Variants in PTPRD observed in about 807,000 individuals in gnomAD.
PTPRD encodes receptor-type tyrosine-protein phosphatase delta.
Under a neutral mutation model 214.5 loss-of-function variants are expected in PTPRD, and 34 were observed. The ratio of observed to expected loss-of-function variants is 0.16; its 90% CI spans 0.12 to 0.21. PTPRD has a LOEUF of 0.21. PTPRD is among the 10% of genes least tolerant of loss of function. PTPRD has a pLI of 1.00. For missense variants in PTPRD, 2,545 were observed against 2,398.7 expected, an observed-to-expected ratio of 1.06 and a Z score of -1.27; for synonymous variants, 1,128 against 845.7, an observed-to-expected ratio of 1.33 and a Z score of -5.79.
At chr9:10,432,436 TA>T (rs377048656) in intron 2 of PTPRD, among the ~76,000 whole-genome samples, 3,882 of 147,432 alleles carry the variant, frequency 0.026, 116 homozygotes, top group African/African-American at 0.072. Context: ...TAAAGTATAA[TA>T]AAAAAAAAAG....
chr9:9,410,959 G>C (rs549908974), intron 8 of PTPRD, among the ~76,000 whole-genome samples: 23 of 152,198 alleles, frequency 1.5e-4, no homozygotes, highest in Admixed American at 7.2e-4. Context: ...ATAAGTGTGG[G>C]CGCGTGCCTG....
chr9:9,263,944 C>A (rs1937653333), intron 9 of PTPRD, among the ~76,000 whole-genome samples: 1 of 151,380 alleles, frequency 6.6e-6, no homozygotes, highest in African/African-American at 2.4e-5. Flanking sequence ...GAATAGTTTC[C>A]CAAGAAGAGC....
intron 4 of PTPRD, among the ~76,000 whole-genome samples, chr9:10,008,845 G>A (rs1460139194): frequency 7.2e-5 from 11 of 151,824 alleles, no homozygotes; most frequent in Non-Finnish European, 2.9e-5. Context: ...CCAAAATAAA[G>A]AACCACACTT....
intron 7 of PTPRD, among the ~76,000 whole-genome samples, chr9:9,694,803 A>G (rs2097340537): frequency 6.6e-6 from 1 of 151,846 alleles, no homozygotes; most frequent in Non-Finnish European, 1.5e-5. Context: ...AAGACAAAGC[A>G]CTCTTCTATT....
chr9:9,495,548 C>A (rs990199699), intron 8 of PTPRD, among the ~76,000 whole-genome samples: 2 of 147,662 alleles, frequency 1.4e-5, no homozygotes, highest in African/African-American at 5.4e-5. Context: ...GACAGCTGGA[C>A]CTCAGGGAGA....
chr9:9,918,547 A>G (rs945247746), intron 5 of PTPRD, among the ~76,000 whole-genome samples: 4 of 152,090 alleles, frequency 2.6e-5, no homozygotes, highest in African/African-American at 9.7e-5. Context: ...TAAATAGAAA[A>G]AAAATCATAA....
intron 3 of PTPRD, among the ~76,000 whole-genome samples, chr9:10,284,882 G>A (rs931340056): frequency 1.8e-4 from 27 of 152,104 alleles, no homozygotes; most frequent in African/African-American, 6.5e-4. Flanking sequence ...GGAATGTAAG[G>A]AATTGAGATT....
At position 9,689,122 on chromosome 9, in the gene PTPRD, TTTC is replaced by T. The variant is rs576621413; in HGVS notation, c.-287+45408_-287+45410del. Among the ~76,000 whole-genome samples the T allele has an allele frequency of 3.3e-3, 503 of 152,034 alleles. 1 individual carries two copies. The highest frequency in any genetic ancestry group is 0.011 in the African/African-American group (471 of 41,528). ...GTGTTTTTATCCTTTTCTGTTTGAGTTTCTTATCAATTGTATAACGATAAAAAT... is the reference window on the plus strand; with the variant it reads ...GTGTTTTTATCCTTTTCTGTTTGAGTTTATCAATTGTATAACGATAAAAAT... On this transcript the variant is annotated intron_variant, in intron 7 of 45. Coordinates refer to ENST00000381196, the MANE Select transcript of PTPRD (RefSeq NM_002839.4).
intron 3 of PTPRD, among the ~76,000 whole-genome samples, chr9:10,261,137 T>A (rs190321334): frequency 1.9e-4 from 29 of 150,064 alleles, no homozygotes; most frequent in African/African-American, 6.8e-4. Flanking sequence ...CAAGCCTTTG[T>A]TATTTAAATG....
At chr9:9,341,620 T>G (rs2046840184) in intron 9 of PTPRD, among the ~76,000 whole-genome samples, 1 of 152,062 alleles carries the variant, frequency 6.6e-6, no homozygotes, top group Non-Finnish European at 1.5e-5. Context: ...GTTTAGATCT[T>G]GGATAATAGT....
chr9:10,166,051 G>A (rs2099157058), intron 3 of PTPRD, among the ~76,000 whole-genome samples: 1 of 149,272 alleles, frequency 6.7e-6, no homozygotes, highest in African/African-American at 2.4e-5. Context: ...ATATATACAT[G>A]TATGCATATT....
chr9:10,309,593 G>C, intron 3 of PTPRD, among the ~76,000 whole-genome samples: 1 of 149,964 alleles, frequency 6.7e-6, no homozygotes, highest in African/African-American at 2.5e-5. Flanking sequence ...TCAAACTCCT[G>C]ACCTCAAATG....
chr9:8,750,701 C>T (rs1022071479), intron 11 of PTPRD, among the ~76,000 whole-genome samples: 1 of 152,098 alleles, frequency 6.6e-6, no homozygotes. Context: ...CAGGAATGAG[C>T]TTGGTTGTGG....
At chr9:8,469,544 C>T (rs997193032) in intron 31 of PTPRD, among the ~76,000 whole-genome samples, 5 of 151,962 alleles carry the variant, frequency 3.3e-5, no homozygotes, top group Admixed American at 6.6e-5. Context: ...TAGTCAGTTG[C>T]AAGTAAAATC....
chr9:9,668,468 T>C (rs1237276278), intron 7 of PTPRD, among the ~76,000 whole-genome samples: 1 of 152,216 alleles, frequency 6.6e-6, no homozygotes, highest in Non-Finnish European at 1.5e-5. Context: ...ATGCCTTAAT[T>C]ACTACTGCCT....
intron 9 of PTPRD, among the ~76,000 whole-genome samples, chr9:9,330,160 T>G (rs1004452489): frequency 1.3e-5 from 2 of 152,128 alleles, no homozygotes; most frequent in Admixed American, 6.6e-5. Flanking sequence ...CCCCTGCTTC[T>G]CTTTTCTCCT....
chr9:9,383,837 T>C (rs550131598), intron 9 of PTPRD, among the ~76,000 whole-genome samples: 1 of 152,120 alleles, frequency 6.6e-6, no homozygotes, highest in African/African-American at 2.4e-5. Context: ...AGGGATCAAG[T>C]CTAATAGAAG....
intron 11 of PTPRD, chr9:8,958,773 G>A (rs1408298869): frequency 1.3e-5 from 2 of 151,976 alleles, no homozygotes; most frequent in South Asian, 4.1e-4. Context: ...CATGCCTGAA[G>A]AAGCATGTAG....
At chr9:10,093,314 C>G (rs2098450950) in intron 3 of PTPRD, among the ~76,000 whole-genome samples, 1 of 151,450 alleles carries the variant, frequency 6.6e-6, no homozygotes, top group Admixed American at 6.6e-5. Context: ...CATAAGATGA[C>G]ATACAAATGG....
Sources: allele counts gnomAD v4.1 joint callset (sites outside exome capture counted in the v4.1 genomes callset), GRCh38; gene constraint gnomAD v4.1.1; transcripts MANE v1.5; gene names NCBI Gene and HGNC (gene_info 2026-07-23, HGNC 2026-07-21).